SCN9A: variants seen among roughly 807,000 people sequenced by gnomAD.
SCN9A encodes the protein sodium voltage-gated channel alpha subunit 9.
SCN9A carries 131 observed loss-of-function variants against 187.0 expected under a neutral mutation model. The observed-to-expected ratio is 0.70, with a 90% CI of 0.61 to 0.81. The LOEUF is 0.81. SCN9A is among the 30% of genes least tolerant of loss of function. The probability of loss-of-function intolerance (pLI) is 0.00; values close to 1 mark genes in which losing one functional copy is unlikely to be tolerated. For synonymous variants in SCN9A, 809 were observed against 808.6 expected, an observed-to-expected ratio of 1.00 and a Z score of -0.01; for missense variants, 2,252 against 2,396.6, an observed-to-expected ratio of 0.94 and a Z score of 1.26.
At chr2:166,304,834 A>T (rs995886685) in intron 5 of SCN9A, among the ~76,000 whole-genome samples, 1 of 152,104 alleles carries the variant, frequency 6.6e-6, no homozygotes. Context: ...TTCTCTAATT[A>T]GGTAGTGGTG....
chr2:166,219,923 TA>T (rs1436479898), intron 24 of SCN9A, among the ~76,000 whole-genome samples: 1 of 152,076 alleles, frequency 6.6e-6, no homozygotes, highest in Non-Finnish European at 1.5e-5. Flanking sequence ...ACCCCATAAA[TA>T]AGCACAATTT....
At chr2:166,357,831 G>A (rs1479824596) in intron 1 of SCN9A, among the ~76,000 whole-genome samples, 1 of 151,786 alleles carries the variant, frequency 6.6e-6, no homozygotes, top group African/African-American at 2.4e-5. Context: ...TTCTTGTATT[G>A]GGTCTCCAAT....
intron 1 of SCN9A, among the ~76,000 whole-genome samples, chr2:166,335,726 A>G (rs1482091028): frequency 6.6e-6 from 1 of 152,146 alleles, no homozygotes; most frequent in East Asian, 1.9e-4. Context: ...TATTTTCAGA[A>G]ACATGGCCAC....
rs546307681 is a variant in SCN9A, at chr2:166,304,403, A to G, written c.597-74T>C. 4.4e-5 allele frequency: 58 copies of G among 1,306,026 alleles called. No homozygotes were observed. The South Asian group carries it at 6.4e-4, about 14-fold the overall frequency. The allele number at this position is 1,306,026 out of a possible 1,614,324, so 80.9% of individuals were successfully genotyped here. Reference sequence around the variant, plus strand: ...ACTTACCTGAGCCTTTAGTCAAGGTATTTTCTACGTTTGGGGCTTCTATTT... The same window carrying G: ...ACTTACCTGAGCCTTTAGTCAAGGTGTTTTCTACGTTTGGGGCTTCTATTT... On this transcript the variant is annotated intron_variant, in intron 5 of 26. Coordinates refer to ENST00000642356, the MANE Select transcript of SCN9A (RefSeq NM_001365536.1).
At position 166,272,452 on chromosome 2, in the gene SCN9A, T is replaced by C; in HGVS notation, c.3298A>G (p.Asn1100Asp). 6.2e-7 allele frequency: 1 copy of C among 1,610,932 alleles called. No individual in the cohort carries two copies. ...CTGCTAAGTTCCTCAGCATTCATATTTTCCAAATCGGATTCCCCAGGTGCA... is the reference window on the plus strand; with the variant it reads ...CTGCTAAGTTCCTCAGCATTCATATCTTCCAAATCGGATTCCCCAGGTGCA... The part of the protein sequence containing the change: ...PIAPGESDLE[N>D]MNAEELSSDS... Residue 1100 changes from asparagine (N) to aspartate (D), a missense_variant, in exon 17 of 27, where the codon AAT becomes GAT. This residue lies in a region of SCN9A where 313 missense variants were observed against 295.3 expected (regional missense o/e 1.06). Coordinates refer to ENST00000642356, the MANE Select transcript of SCN9A (RefSeq NM_001365536.1).
At chr2:166,212,620 A>G (rs1694147537) in intron 24 of SCN9A, among the ~76,000 whole-genome samples, 1 of 152,240 alleles carries the variant, frequency 6.6e-6, no homozygotes, top group Non-Finnish European at 1.5e-5. Flanking sequence ...GGATTTGAAC[A>G]ACGCTATAGA....
At chr2:166,323,118 A>G (rs1021702789) in intron 1 of SCN9A, among the ~76,000 whole-genome samples, 1 of 152,200 alleles carries the variant, frequency 6.6e-6, no homozygotes, top group African/African-American at 2.4e-5. Context: ...AAGAACTATC[A>G]TTAAGACTTT....
chr2:166,228,358 GT>G (rs1694932799), intron 22 of SCN9A, among the ~76,000 whole-genome samples: 1 of 145,822 alleles, frequency 6.9e-6, no homozygotes, highest in African/African-American at 2.5e-5. Context: ...CCAGGTTCAC[GT>G]GATTCTCCTG....
chr2:166,319,415 G>C (rs1246888952), intron 1 of SCN9A, among the ~76,000 whole-genome samples: 1 of 148,994 alleles, frequency 6.7e-6, no homozygotes, highest in Non-Finnish European at 1.5e-5. Context: ...GTGAATAAAA[G>C]CAAAGGGAAT....
intron 9 of SCN9A, among the ~76,000 whole-genome samples, chr2:166,291,353 A>C (rs571907498): frequency 4.9e-4 from 75 of 152,306 alleles, no homozygotes; most frequent in African/African-American, 1.7e-3. Context: ...TAAAATACCT[A>C]GGAATACAGC....
chr2:166,368,364 TG>T (rs1270951659), intron 1 of SCN9A, among the ~76,000 whole-genome samples: 1 of 152,202 alleles, frequency 6.6e-6, no homozygotes, highest in African/African-American at 2.4e-5. Flanking sequence ...CCTTGCACAG[TG>T]GCTTACACCT....
At chr2:166,277,941 T>C (rs564848154) in intron 15 of SCN9A, 199 bp downstream of exon 15, 1 of 498,380 alleles carries the variant, frequency 2.0e-6, no homozygotes, top group East Asian at 3.2e-5. Context: ...GAATTGAGCA[T>C]GTCTTCAAAA....
At chr2:166,216,253 T>C (rs938125302) in intron 24 of SCN9A, among the ~76,000 whole-genome samples, 1 of 152,054 alleles carries the variant, frequency 6.6e-6, no homozygotes, top group Non-Finnish European at 1.5e-5. Flanking sequence ...TAAAGCCATA[T>C]ATGACAAGCC....
intron 24 of SCN9A, among the ~76,000 whole-genome samples, chr2:166,220,293 C>T (rs980548705): frequency 2.6e-5 from 4 of 152,156 alleles, no homozygotes; most frequent in Admixed American, 2.6e-4. Context: ...GGTTTGTCCC[C>T]TCCAAAGCTC....
intron 19 of SCN9A, among the ~76,000 whole-genome samples, chr2:166,240,447 A>G (rs1044781174): frequency 4.6e-5 from 7 of 152,198 alleles, no homozygotes; most frequent in African/African-American, 1.7e-4. Flanking sequence ...TATTTAAAAT[A>G]CACTTTTGAG....
intron 9 of SCN9A, among the ~76,000 whole-genome samples, chr2:166,291,612 A>G (rs1381760714): frequency 2.0e-5 from 3 of 152,212 alleles, no homozygotes; most frequent in Non-Finnish European, 4.4e-5. Flanking sequence ...ACATATAGCA[A>G]AGACAATTCT....
At chr2:166,374,341 G>A (rs4001001) in intron 1 of SCN9A, among the ~76,000 whole-genome samples, 66,805 of 152,002 alleles carry the variant, frequency 0.44, 14,998 homozygotes, top group Non-Finnish European at 0.48. Flanking sequence ...ACTATCAGTT[G>A]CCTAAATAGA....
chr2:166,319,314 C>CT (rs1019576539), intron 1 of SCN9A, among the ~76,000 whole-genome samples: 23 of 141,942 alleles, frequency 1.6e-4, no homozygotes, highest in Middle Eastern at 3.5e-3. Context: ...TCCTTTTTAT[C>CT]TTTTTTTTTT....
intron 5 of SCN9A, among the ~76,000 whole-genome samples, chr2:166,305,323 T>A (rs747382624): frequency 7.2e-5 from 11 of 152,124 alleles, no homozygotes; most frequent in Non-Finnish European, 1.3e-4. Flanking sequence ...TACAATGCAT[T>A]AATCTTAGGC....
Sources: allele counts gnomAD v4.1 joint callset (sites outside exome capture counted in the v4.1 genomes callset), GRCh38; gene constraint gnomAD v4.1.1; regional missense constraint gnomAD v4.1.1; transcripts MANE v1.5; gene names NCBI Gene and HGNC (gene_info 2026-07-23, HGNC 2026-07-21).